The following SLC7A6 variants were observed in gnomAD, a reference collection of about 807,000 sequenced individuals.
SLC7A6 encodes Y+L amino acid transporter 2.
Under a neutral mutation model 46.6 loss-of-function variants are expected in SLC7A6, and 29 were observed. The observed-to-expected ratio is 0.62, with a 90% CI of 0.46 to 0.85. The LOEUF (loss-of-function observed/expected upper bound fraction) is 0.85. Ranked by LOEUF, SLC7A6 falls within the 40% of genes least tolerant of loss-of-function variation. The probability of loss-of-function intolerance (pLI) is 0.00; values close to 1 mark genes in which losing one functional copy is unlikely to be tolerated. For missense variants in SLC7A6, 527 were observed against 647.6 expected (o/e 0.81, Z 2.02); for synonymous variants, 276 against 257.3 (o/e 1.07, Z -0.70).
At chr16:68,281,655 T>C (rs1482662945) in intron 3 of SLC7A6, among the ~76,000 whole-genome samples, 4 of 152,132 alleles carry the variant, frequency 2.6e-5, no homozygotes, top group Admixed American at 2.0e-4. Context: ...GGTAGGTACA[T>C]AGGGTCTCCT....
At chr16:68,287,503 A>C (rs1158534268) in intron 3 of SLC7A6, 2 of 1,401,488 alleles carry the variant, frequency 1.4e-6, no homozygotes, top group African/African-American at 2.9e-5. Context: ...ATCAGGATGT[A>C]TAAGTATGTG....
chr16:68,288,132 T>A (rs2042975951), intron 4 of SLC7A6, among the ~76,000 whole-genome samples: 2 of 152,140 alleles, frequency 1.3e-5, no homozygotes, highest in Admixed American at 1.3e-4. Flanking sequence ...GCCAAGGGCC[T>A]AGGAGCTCCT....
chr16:68,283,477 GGA>G (rs367695911), intron 3 of SLC7A6, among the ~76,000 whole-genome samples: 94 of 152,300 alleles, frequency 6.2e-4, no homozygotes, highest in African/African-American at 1.9e-3. Context: ...ATACATCCCG[GGA>G]GAAAACCTGG....
chr16:68,282,506 T>C (rs1040115563), intron 3 of SLC7A6, among the ~76,000 whole-genome samples: 1 of 152,244 alleles, frequency 6.6e-6, no homozygotes, highest in African/African-American at 2.4e-5. Context: ...AGCCACTGAT[T>C]CTGGGATCCC....
intron 3 of SLC7A6, among the ~76,000 whole-genome samples, chr16:68,283,164 A>G (rs925046548): frequency 1.3e-5 from 2 of 152,248 alleles, no homozygotes; most frequent in African/African-American, 4.8e-5. Flanking sequence ...TGCATATGTT[A>G]TTCACTATTA....
chr16:68,294,997 T>C, intron 8 of SLC7A6, 196 bp downstream of exon 8: 1 of 488,028 alleles, frequency 2.0e-6, no homozygotes, highest in Non-Finnish European at 3.6e-6. Flanking sequence ...ATTTATATTA[T>C]AGCATAGTAT....
At chr16:68,286,598 A>G (rs945729323) in intron 3 of SLC7A6, among the ~76,000 whole-genome samples, 1 of 152,220 alleles carries the variant, frequency 6.6e-6, no homozygotes, top group Non-Finnish European at 1.5e-5. Context: ...CACAGATGTC[A>G]CTGCGTTCCT....
chr16:68,288,979 A>AC (rs1342104868), intron 4 of SLC7A6, among the ~76,000 whole-genome samples: 1 of 150,870 alleles, frequency 6.6e-6, no homozygotes, highest in African/African-American at 2.4e-5. Context: ...AAAAAAAAAA[A>AC]AAAAAAAGAA....
intron 1 of SLC7A6, among the ~76,000 whole-genome samples, chr16:68,265,001 G>T (rs1239979598): frequency 6.6e-6 from 1 of 152,214 alleles, no homozygotes; most frequent in East Asian, 1.9e-4. Flanking sequence ...CCTGAGTGGG[G>T]CTGTGACTGC....
intron 3 of SLC7A6, chr16:68,284,671 G>C (rs779698009): frequency 2.6e-4 from 260 of 984,682 alleles, no homozygotes; most frequent in Non-Finnish European, 3.0e-4. Flanking sequence ...TCTGAGGAGT[G>C]TATCAGCTTC....
In SLC7A6 at chr16:68,300,989, C is replaced by T. The variant is rs1371286237; in HGVS notation, c.*3661C>T. The T allele has an allele frequency of 9.5e-7, 1 of 1,052,922 alleles. No homozygotes were observed. Among genetic ancestry groups the T allele is most frequent in the African/African-American group, 1.7e-5 (1 of 59,592 alleles). The allele number at this position is 1,052,922 out of a possible 1,614,324, so 65.2% of individuals were successfully genotyped here. ...TGAATGCCAGGAAAAATTCCTGGGC[C>T]AAGAAGCTAAAGCTAAAGAAACCTT... On this transcript the variant is annotated 3_prime_UTR_variant, in exon 11 of 11. Coordinates refer to ENST00000219343, the MANE Select transcript of SLC7A6 (RefSeq NM_003983.6).
At chr16:68,282,774 T>C (rs1437535037) in intron 3 of SLC7A6, among the ~76,000 whole-genome samples, 1 of 152,170 alleles carries the variant, frequency 6.6e-6, no homozygotes, top group Non-Finnish European at 1.5e-5. Flanking sequence ...TACGCCACTA[T>C]GCCCAGCTAA....
At chr16:68,284,072 G>T (rs1404030291) in intron 3 of SLC7A6, among the ~76,000 whole-genome samples, 1 of 152,058 alleles carries the variant, frequency 6.6e-6, no homozygotes. Flanking sequence ...GGTGCCTGGG[G>T]TCAGCGTTGA....
chr16:68,284,563 T>C, intron 3 of SLC7A6: 1 of 698,452 alleles, frequency 1.4e-6, no homozygotes, highest in Non-Finnish European at 1.8e-6. Flanking sequence ...GTGTGTAATA[T>C]TTACCTGTGC....
rs2043054648 is a variant in SLC7A6, at chr16:68,291,759, T to C, written c.1022+98T>C. 7.3e-6 allele frequency: 4 copies of C among 547,930 alleles called. 1 individual carries two copies. Among genetic ancestry groups the C allele is most frequent in the South Asian group, 4.0e-5 (2 of 49,826 alleles). The allele number at this position is 547,930 out of a possible 1,614,324, so 33.9% of individuals were successfully genotyped here. ...TTTTTCCCTCCTTCTCATGGGCATA[T>C]AGGGTGTGTGTGTGTGTGTGTGTGT... On this transcript the variant is annotated intron_variant, in intron 7 of 10. Transcript: ENST00000219343.
Position 68,297,285 on chromosome 16 carries a change from T to C in SLC7A6, c.1505T>C (p.Leu502Pro), listed in dbSNP as rs749946360. Reference sequence around the variant, plus strand: ...CTTTGCTTTTGTGTCCTGACTGAGCTTGATGTAGCCGAAGAAAAAAAGGAT... The same window carrying C: ...CTTTGCTTTTGTGTCCTGACTGAGCCTGATGTAGCCGAAGAAAAAAAGGAT... ...QQLCFCVLTE[L>P]DVAEEKKDER... The change falls in exon 11 of 11, where the codon CTT (leucine) becomes CCT (proline). Residue 502 changes from leucine (L) to proline (P), a missense_variant. Physicochemically the swap from Leu to Pro is moderately conservative, Grantham distance 98 (BLOSUM62 -3). Transcript: ENST00000219343. 1.9e-6 allele frequency: 3 copies of C among 1,614,022 alleles called. No individual in the cohort carries two copies. Among genetic ancestry groups the C allele is most frequent in the Admixed American group, 3.3e-5 (2 of 59,998 alleles).
rs1555530677 is a variant in SLC7A6 at position 68,277,316 on chromosome 16, T to TTTTTTTTATTTATTTA, written c.523+2070_523+2071insTTTTATTTATTTATTT. ...TGGTCAAGCTGGTCGAGAAGAGTAC[T>TTTTTTTTATTTATTTA]TTTATTTATTTATTTATTTATTTAT... On this transcript the variant is annotated intron_variant, in intron 3 of 10. Transcript: ENST00000219343. 9.0e-4 allele frequency among the ~76,000 whole-genome samples: 122 copies of TTTTTTTTATTTATTTA among 135,950 alleles called. 1 individual carries two copies. Among genetic ancestry groups the TTTTTTTTATTTATTTA allele is most frequent in the African/African-American group, 3.2e-3 (114 of 35,582 alleles). 89.2% of individuals were successfully genotyped at this position (135,950 alleles called of 152,430 possible).
At position 68,297,552 on chromosome 16, in the gene SLC7A6, C is replaced by T. The variant is rs184548482; in HGVS notation, c.*224C>T. 3.4e-3 allele frequency: 1,201 copies of T among 351,792 alleles called. 42 individuals are homozygous for T. The highest frequency in any genetic ancestry group is 1.8e-3 in the South Asian group (25 of 13,514). The allele number at this position is 351,792 out of a possible 1,614,324, so 21.8% of individuals were successfully genotyped here. A position where few individuals can be genotyped will look rare whatever the true frequency, so the allele number is the denominator to read the frequency against. On this transcript the variant is annotated 3_prime_UTR_variant, in exon 11 of 11. Transcript: ENST00000219343. Reference sequence around the variant, plus strand: ...AGAGGGTGGGGGGAAGATTGGGGAACGGGGGGAATGGTCATTTAGTTTTAC... The same window carrying T: ...AGAGGGTGGGGGGAAGATTGGGGAATGGGGGGAATGGTCATTTAGTTTTAC...
Position 68,274,749 on chromosome 16 carries a change from G to A in SLC7A6, c.23G>A (p.Arg8Lys), listed in dbSNP as rs780867295. Residue 8 changes from arginine to lysine, a missense_variant, in exon 3 of 11, where the codon AGG becomes AAG. Arg to Lys is a conservative substitution (Grantham distance 26, BLOSUM62 2). Coordinates refer to ENST00000219343, the MANE Select transcript of SLC7A6 (RefSeq NM_003983.6). MEAREPG[R>K]PTPTYHLVPN... ...GTCATGGAAGCCAGGGAGCCTGGGA[G>A]GCCCACACCCACCTACCATCTTGTC... is the stretch of plus-strand genomic sequence containing the variant. 1.9e-6 allele frequency: 3 copies of A among 1,614,138 alleles called. No individual in the cohort carries two copies. The South Asian group carries it at 3.3e-5, about 18-fold the overall frequency.
Sources: allele counts gnomAD v4.1 joint callset (sites outside exome capture counted in the v4.1 genomes callset), GRCh38; gene constraint gnomAD v4.1.1; transcripts MANE v1.5; gene names NCBI Gene and HGNC (gene_info 2026-07-23, HGNC 2026-07-21).